MRPL42: variants seen among roughly 807,000 people sequenced by gnomAD.
The protein encoded by MRPL42 is mitochondrial ribosomal protein L42, also known as large ribosomal subunit protein mL42.
In MRPL42, 17 loss-of-function variants were observed where a neutral mutation model predicts 17.9. The ratio of observed to expected loss-of-function variants is 0.95; its 90% confidence interval spans 0.65 to 1.42. MRPL42 has a LOEUF of 1.42. Ranked by LOEUF, MRPL42 falls within the 40% of genes most tolerant of loss-of-function variation. The pLI is 0.00. For synonymous variants in MRPL42, 59 were observed against 54.4 expected (o/e 1.08, Z -0.37); for missense variants, 177 against 175.2 (o/e 1.01, Z -0.06).
Position 93,485,713 on chromosome 12 carries a change from A to C in MRPL42, c.220-1784A>C, listed in dbSNP as rs138195195. Among the ~76,000 whole-genome samples the C allele has an allele frequency of 3.8e-3, 572 of 152,314 alleles. 6 individuals carry two copies. The highest frequency in any genetic ancestry group is 0.013 in the African/African-American group (531 of 41,556). Reference sequence around the variant, plus strand: ...TACTTTCATTATGATAGCGTTATATAGTATTGAATGTTACAATCTTTGTTA... The same window carrying C: ...TACTTTCATTATGATAGCGTTATATCGTATTGAATGTTACAATCTTTGTTA... On this transcript the variant is annotated intron_variant, in intron 4 of 5. Transcript: ENST00000549982.
rs979607235 is a variant in MRPL42 at position 93,476,964 on chromosome 12, A to G, written c.81A>G (p.Leu27=). 1 of 1,609,370 alleles carries G rather than the reference A, an allele frequency of 6.2e-7. No individual in the cohort carries two copies. The highest frequency in any genetic ancestry group is 8.5e-7 in the Non-Finnish European group (1 of 1,176,770). Residue 27 remains leucine (L), a synonymous_variant, in exon 3 of 6, where the codon TTA becomes TTG. Transcript: ENST00000549982. ...KHLFPVQNGA[L]YCVCHKSTYS... is the part of the protein sequence containing the mutation. ...TTGGGGTTTTTGCAGATGGAGCTTT[A>G]TATTGTGTTTGTCATAAATCTACGT... is the stretch of plus-strand genomic sequence containing the variant.
At chr12:93,492,703 C>T (rs923914268) in intron 5 of MRPL42, among the ~76,000 whole-genome samples, 6 of 152,274 alleles carry the variant, frequency 3.9e-5, no homozygotes, top group African/African-American at 1.4e-4. Flanking sequence ...ATTTACTACT[C>T]AAGACTGAAA....
intron 1 of MRPL42, among the ~76,000 whole-genome samples, chr12:93,468,640 TGAAATTTTATCTGG>T (rs1043024213): frequency 6.6e-6 from 1 of 152,224 alleles, no homozygotes; most frequent in African/African-American, 2.4e-5. Context: ...TATAAGATGG[TGAAATTTTATCTGG>T]GACTTGAGGG....
In MRPL42 at chr12:93,506,757, A is replaced by C. The variant is rs1953675053; in HGVS notation, c.*5536A>C. ...AGTCTCTTCTTCACTCATAATGCAA[A>C]GTACATTGGATTACTATTATGCCAC... On this transcript the variant is annotated 3_prime_UTR_variant, in exon 6 of 6. Transcript: ENST00000549982. 1 of 152,132 alleles carries C rather than the reference A, an allele frequency of 6.6e-6. No individual in the cohort carries two copies. The highest frequency in any genetic ancestry group is 2.1e-4 in the South Asian group (1 of 4,822). The allele number at this position is 152,132 out of a possible 1,614,324, so 9.4% of individuals were successfully genotyped here.
In MRPL42 at chr12:93,504,957, A is replaced by G. The variant is rs1358720564; in HGVS notation, c.*3736A>G. On this transcript the variant is annotated 3_prime_UTR_variant, in exon 6 of 6. Coordinates refer to ENST00000549982, the MANE Select transcript of MRPL42 (RefSeq NM_014050.4). The stretch of plus-strand genomic sequence containing the variant: ...TTCATTGCTTCACAGGCATCTGAAT[A>G]TGGTTTTATAAAATACATTGCTCTA... 6.6e-6 allele frequency: 1 copy of G among 152,186 alleles called. No homozygotes were observed. The highest frequency in any genetic ancestry group is 2.4e-5 in the African/African-American group (1 of 41,460). 9.4% of individuals were successfully genotyped at this position (152,186 alleles called of 1,614,324 possible).
In MRPL42 at chr12:93,515,581, C is replaced by G. The variant is rs1396609413; in HGVS notation, c.*14360C>G. 1.3e-5 allele frequency: 2 copies of G among 152,122 alleles called. No homozygotes were observed. The highest frequency in any genetic ancestry group is 4.8e-5 in the African/African-American group (2 of 41,408). 9.4% of individuals were successfully genotyped at this position (152,122 alleles called of 1,614,324 possible). A position where few individuals can be genotyped will look rare whatever the true frequency, so the allele number is the denominator to read the frequency against. ...ATGGAGTTTCGCCATTCTGGCCAGG[C>G]TGGTCTCGAGCTCCTGACCTCAAGT... is the stretch of plus-strand genomic sequence containing the variant. On this transcript the variant is annotated 3_prime_UTR_variant, in exon 6 of 6. Transcript: ENST00000549982.
chr12:93,482,561 A>G (rs1396636008), intron 4 of MRPL42, among the ~76,000 whole-genome samples: 5 of 152,174 alleles, frequency 3.3e-5, no homozygotes, highest in Non-Finnish European at 5.9e-5. Flanking sequence ...GGGCTAAGAG[A>G]CATTCACATC....
At chr12:93,472,695 C>T (rs908753163) in intron 2 of MRPL42, among the ~76,000 whole-genome samples, 1 of 152,176 alleles carries the variant, frequency 6.6e-6, no homozygotes, top group African/African-American at 2.4e-5. Flanking sequence ...GAAGAAAGTT[C>T]AGTGAGCAAA....
chr12:93,505,911 CTTT>C lies in MRPL42; in HGVS notation c.*4708_*4710del, dbSNP rs750799768. On this transcript the variant is annotated 3_prime_UTR_variant, in exon 6 of 6. Coordinates refer to ENST00000549982, the MANE Select transcript of MRPL42 (RefSeq NM_014050.4). ...TAGAACCTTATGATTACTTCTGAGT[CTTT>C]TTTTTTTTTTTTTTTTTGAGATGGA... is the stretch of plus-strand genomic sequence containing the variant. 1.5e-4 allele frequency: 18 copies of C among 122,610 alleles called. No homozygotes were observed. The highest frequency in any genetic ancestry group is 2.3e-4 in the East Asian group (1 of 4,354). 7.6% of individuals were successfully genotyped at this position (122,610 alleles called of 1,614,324 possible).
chr12:93,499,983 G>A (rs1327231158), intron 5 of MRPL42, among the ~76,000 whole-genome samples: 3 of 152,096 alleles, frequency 2.0e-5, no homozygotes, highest in East Asian at 1.9e-4. Context: ...ATTTTTGAAC[G>A]TAACTCATCA....
intron 5 of MRPL42, among the ~76,000 whole-genome samples, chr12:93,489,303 A>T (rs1044741231): frequency 1.3e-5 from 2 of 152,160 alleles, no homozygotes; most frequent in African/African-American, 4.8e-5. Flanking sequence ...GGGGGAAATT[A>T]CTAATAGGTT....
At chr12:93,484,993 T>TAC (rs1441825701) in intron 4 of MRPL42, among the ~76,000 whole-genome samples, 4,163 of 27,598 alleles carry the variant, frequency 0.15, 1,453 homozygotes, top group Non-Finnish European at 0.26. Flanking sequence ...TATATATATA[T>TAC]ATATATATAT....
At chr12:93,489,675 A>G (rs996622984) in intron 5 of MRPL42, among the ~76,000 whole-genome samples, 2 of 152,110 alleles carry the variant, frequency 1.3e-5, no homozygotes, top group African/African-American at 4.8e-5. Context: ...CTGGGACTAC[A>G]AGCATGTTGC....
intron 5 of MRPL42, among the ~76,000 whole-genome samples, chr12:93,500,271 A>G (rs1042537531): frequency 1.3e-5 from 2 of 152,166 alleles, no homozygotes; most frequent in African/African-American, 4.8e-5. Flanking sequence ...TAGAAGAGGA[A>G]TTACTAGGTC....
At chr12:93,489,494 C>T (rs1953370708) in intron 5 of MRPL42, among the ~76,000 whole-genome samples, 1 of 151,054 alleles carries the variant, frequency 6.6e-6, no homozygotes, top group East Asian at 1.9e-4. Flanking sequence ...TCCTGCTTCT[C>T]TTTTGTATCT....
chr12:93,484,075 C>T (rs1052540968), intron 4 of MRPL42, among the ~76,000 whole-genome samples: 14 of 152,182 alleles, frequency 9.2e-5, no homozygotes, highest in Middle Eastern at 6.8e-3. Flanking sequence ...CTGTCATCTC[C>T]TATGATAACA....
intron 3 of MRPL42, 47 bp downstream of exon 3, chr12:93,477,064 T>C (rs907943511): frequency 7.8e-6 from 10 of 1,285,984 alleles, no homozygotes; most frequent in African/African-American, 1.5e-5. Flanking sequence ...TAGCTATAGC[T>C]GAAATGATTT....
chr12:93,469,744 G>A (rs1411764930), intron 2 of MRPL42, among the ~76,000 whole-genome samples: 2 of 152,168 alleles, frequency 1.3e-5, no homozygotes, highest in African/African-American at 4.8e-5. Context: ...AACAAAAAAA[G>A]CATGTCAGAA....
At position 93,477,009 on chromosome 12, in the gene MRPL42, C is replaced by T; in HGVS notation, c.126C>T (p.Asp42=). The T allele has an allele frequency of 1.3e-6, 2 of 1,587,082 alleles. No homozygotes were observed. The highest frequency in any genetic ancestry group is 1.7e-6 in the Non-Finnish European group (2 of 1,159,350). ...CTACGTATTCTCCTCTACCAGATGA[C>T]TATAATTGGTATGTATTAAAATTCA... ...HKSTYSPLPD[D]YNCNVELALT... The change falls in exon 3 of 6, where the codon GAC becomes GAT. Residue 42 remains aspartate, a synonymous_variant. Coordinates refer to ENST00000549982, the MANE Select transcript of MRPL42 (RefSeq NM_014050.4).
Sources: gnomAD v4.1 joint callset for allele counts (sites outside exome capture counted in the v4.1 genomes callset) on GRCh38, gnomAD v4.1.1 for gene constraint, MANE v1.5 for transcripts, NCBI Gene and HGNC (gene_info 2026-07-23, HGNC 2026-07-21) for gene names.